PLXDC1: variants seen among roughly 807,000 people sequenced by gnomAD.
The protein encoded by PLXDC1 is plexin domain containing 1.
In PLXDC1, 39 loss-of-function variants were observed where a neutral mutation model predicts 61.3. The ratio of observed to expected loss-of-function variants is 0.64; its 90% confidence interval spans 0.49 to 0.83. PLXDC1 has a LOEUF of 0.83. Ranked by LOEUF, PLXDC1 falls within the 40% of genes least tolerant of loss-of-function variation. The pLI is 0.00. For synonymous variants in PLXDC1, 212 were observed against 254.5 expected, an observed-to-expected ratio of 0.83 and a Z score of 1.59; for missense variants, 596 against 666.5, an observed-to-expected ratio of 0.89 and a Z score of 1.17.
At chr17:39,068,793 T>C (rs531858735) in intron 13 of PLXDC1, among the ~76,000 whole-genome samples, 23 of 152,308 alleles carry the variant, frequency 1.5e-4, no homozygotes, top group Middle Eastern at 6.8e-3. Flanking sequence ...TCAGAATGAC[T>C]AAGCCTCCTA....
At chr17:39,150,093 G>C (rs2045363556) in intron 1 of PLXDC1, among the ~76,000 whole-genome samples, 1 of 152,112 alleles carries the variant, frequency 6.6e-6, no homozygotes, top group Admixed American at 6.6e-5. Flanking sequence ...CTTGTCTAAA[G>C]TCACACAGCA....
intron 8 of PLXDC1, among the ~76,000 whole-genome samples, chr17:39,085,563 G>A (rs968864116): frequency 3.3e-5 from 5 of 152,150 alleles, no homozygotes; most frequent in Non-Finnish European, 5.9e-5. Context: ...CATAGAGATC[G>A]AGCTCTTAGC....
intron 7 of PLXDC1, among the ~76,000 whole-genome samples, chr17:39,098,559 A>C (rs1172634495): frequency 6.6e-6 from 1 of 152,194 alleles, no homozygotes; most frequent in Non-Finnish European, 1.5e-5. Context: ...GCTGGGGAGG[A>C]CAATAAGTTC....
At chr17:39,108,306 C>A in intron 4 of PLXDC1, 61 bp from the exon 5 acceptor site, 6 of 1,582,216 alleles carry the variant, frequency 3.8e-6, no homozygotes, top group Admixed American at 3.4e-5. Flanking sequence ...GCTTTGGGGG[C>A]CTTTTCCCCA....
intron 12 of PLXDC1, among the ~76,000 whole-genome samples, chr17:39,070,788 G>A (rs1036048561): frequency 6.6e-6 from 1 of 152,176 alleles, no homozygotes; most frequent in Admixed American, 6.5e-5. Flanking sequence ...GACCAGCCTG[G>A]CCAACATGGT....
At chr17:39,107,262 A>G (rs1910627626) in intron 6 of PLXDC1, 145 bp downstream of exon 6, 3 of 581,680 alleles carry the variant, frequency 5.2e-6, no homozygotes, top group East Asian at 5.7e-5. Flanking sequence ...TTACTGCTCC[A>G]AAAGGGTAGG....
chr17:39,108,762 G>A, intron 4 of PLXDC1, 142 bp downstream of exon 4: 1 of 647,906 alleles, frequency 1.5e-6, no homozygotes, highest in South Asian at 1.7e-5. Context: ...CCCCCCTCCT[G>A]AGAATCAGAC....
chr17:39,098,650 G>A (rs1286590400), intron 7 of PLXDC1, among the ~76,000 whole-genome samples: 2 of 152,192 alleles, frequency 1.3e-5, no homozygotes, highest in Admixed American at 6.5e-5. Flanking sequence ...CGAAGTGCCG[G>A]GGGGAAGAAG....
At chr17:39,127,108 G>A (rs1302353831) in intron 2 of PLXDC1, 5 of 152,140 alleles carry the variant, frequency 3.3e-5, no homozygotes. Flanking sequence ...GGTAAGATCT[G>A]GGAGGGATCT....
rs1908921685 is a variant in PLXDC1 at position 39,067,019 on chromosome 17, T to A, written c.*821A>T. The A allele has an allele frequency of 6.6e-6, 1 of 152,214 alleles. No individual in the cohort carries two copies. Among genetic ancestry groups the A allele is most frequent in the Non-Finnish European group, 1.5e-5 (1 of 68,080 alleles). The allele number at this position is 152,214 out of a possible 1,614,324, so 9.4% of individuals were successfully genotyped here. A position where few individuals can be genotyped will look rare whatever the true frequency, so the allele number is the denominator to read the frequency against. On this transcript the variant is annotated 3_prime_UTR_variant, in exon 14 of 14. Transcript: ENST00000315392. ...TGGCTATCTGGCTATCTCCAGGTAG[T>A]GGGTCGGGGAGGCTCTGAGACTGCT...
chr17:39,143,388 G>A (rs1567774604), intron 1 of PLXDC1, among the ~76,000 whole-genome samples: 1 of 152,224 alleles, frequency 6.6e-6, no homozygotes, highest in Non-Finnish European at 1.5e-5. Flanking sequence ...GCTCCTGGAT[G>A]TGGCTCTCCC....
chr17:39,082,894 A>G (rs144551471), intron 9 of PLXDC1, among the ~76,000 whole-genome samples: 2 of 152,362 alleles, frequency 1.3e-5, no homozygotes, highest in Non-Finnish European at 2.9e-5. Context: ...CTGAGCTTCT[A>G]AAAGCAAGCA....
At chr17:39,130,855 C>A (rs1362392398) in intron 2 of PLXDC1, among the ~76,000 whole-genome samples, 3 of 152,112 alleles carry the variant, frequency 2.0e-5, no homozygotes, top group Non-Finnish European at 4.4e-5. Flanking sequence ...AGCCACCGCA[C>A]CCAGCCTAAA....
chr17:39,103,410 G>A (rs1219922690), intron 7 of PLXDC1, among the ~76,000 whole-genome samples: 1 of 152,114 alleles, frequency 6.6e-6, no homozygotes, highest in Non-Finnish European at 1.5e-5. Context: ...GGGCATGGTG[G>A]CATGTGCCTG....
intron 11 of PLXDC1, among the ~76,000 whole-genome samples, chr17:39,075,331 C>G (rs758287093): frequency 6.6e-6 from 1 of 152,224 alleles, no homozygotes; most frequent in Non-Finnish European, 1.5e-5. Flanking sequence ...CCTTGTTATT[C>G]CAGAGCAACT....
At chr17:39,077,762 T>C in intron 11 of PLXDC1, 151 bp downstream of exon 11, 1 of 686,182 alleles carries the variant, frequency 1.5e-6, no homozygotes. Flanking sequence ...ACCTAAACTG[T>C]CTGAACTTCA....
intron 2 of PLXDC1, among the ~76,000 whole-genome samples, chr17:39,129,769 G>C (rs77269111): frequency 1.2e-5 from 1 of 82,584 alleles, no homozygotes; most frequent in Non-Finnish European, 2.5e-5. Context: ...GAAAGAAAGA[G>C]AGAAAGAAAA....
chr17:39,136,353 T>C (rs1911752463), intron 2 of PLXDC1, among the ~76,000 whole-genome samples: 1 of 152,206 alleles, frequency 6.6e-6, no homozygotes, highest in Admixed American at 6.5e-5. Context: ...TTCAATGCAA[T>C]ATTTTAAAAA....
intron 1 of PLXDC1, among the ~76,000 whole-genome samples, chr17:39,146,475 G>A (rs890821096): frequency 1.3e-5 from 2 of 151,938 alleles, no homozygotes; most frequent in African/African-American, 4.8e-5. Context: ...CCAGGAGTTC[G>A]AGACCAGACT....
Sources: allele counts gnomAD v4.1 joint callset (sites outside exome capture counted in the v4.1 genomes callset), GRCh38; gene constraint gnomAD v4.1.1; transcripts MANE v1.5; gene names NCBI Gene and HGNC (gene_info 2026-07-23, HGNC 2026-07-21).